DNAH11: variants seen among roughly 807,000 people sequenced by gnomAD.
DNAH11 encodes the protein axonemal beta dynein heavy chain 11.
In DNAH11, 442 loss-of-function variants were observed where a neutral mutation model predicts 526.0. The ratio of observed to expected loss-of-function variants is 0.84; its 90% CI spans 0.78 to 0.91. DNAH11 has a LOEUF of 0.91. Among genes scored for constraint, DNAH11 ranks in the 40% least tolerant of loss-of-function variants. DNAH11 has a pLI of 0.00. For synonymous variants in DNAH11, 2,461 were observed against 1,935.9 expected, an observed-to-expected ratio of 1.27 and a Z score of -7.12; for missense variants, 6,989 against 5,448.7, an observed-to-expected ratio of 1.28 and a Z score of -8.90.
chr7:21,786,690 G>T lies in DNAH11; in HGVS notation c.9664G>T (p.Val3222Leu), dbSNP rs535546772. 2 of 1,613,688 alleles carry T rather than the reference G, an allele frequency of 1.2e-6. No individual in the cohort carries two copies. The highest frequency in any genetic ancestry group is 1.7e-6 in the Non-Finnish European group (2 of 1,179,778). ...CGCAGTTACCAATGTTACTGCAGCC[G>T]TGATGGTCCTTCTGGCTCCTCGGGG... ...PIAVTNVTAA[V>L]MVLLAPRGRV... The change falls in exon 59 of 82, where the codon GTG becomes TTG. Residue 3222 changes from valine (V) to leucine (L), a missense_variant. By Grantham distance (32) the Val-to-Leu change is conservative. Transcript: ENST00000409508.
intron 26 of DNAH11, among the ~76,000 whole-genome samples, chr7:21,637,283 T>C (rs866492809): frequency 5.3e-5 from 8 of 152,170 alleles, no homozygotes; most frequent in Middle Eastern, 3.4e-3. Flanking sequence ...TTCTCTTCTT[T>C]TTCCTCTTCC....
At chr7:21,790,010 C>T (rs1048134306) in intron 61 of DNAH11, among the ~76,000 whole-genome samples, 1 of 147,716 alleles carries the variant, frequency 6.8e-6, no homozygotes, top group Non-Finnish European at 1.5e-5. Flanking sequence ...CTCCTATCAA[C>T]CAATCACCTA....
intron 66 of DNAH11, among the ~76,000 whole-genome samples, chr7:21,848,191 A>G (rs944151689): frequency 6.6e-6 from 1 of 150,878 alleles, no homozygotes; most frequent in Non-Finnish European, 1.5e-5. Context: ...AAAGATTATT[A>G]TGCTTTCAGG....
chr7:21,735,621 A>T lies in DNAH11; in HGVS notation c.7441-19A>T, dbSNP rs10247099. 8 of 1,559,350 alleles carry T rather than the reference A, an allele frequency of 5.1e-6. No individual in the cohort carries two copies. In the South Asian group the frequency reaches 8.2e-5, roughly 16 times the overall value. Reference sequence around the variant, plus strand: ...TCTCTCTCTTTCTGATCTTTGTCTCATTCTGTTTCTCCTCCCAGACAGTTC... The same window carrying T: ...TCTCTCTCTTTCTGATCTTTGTCTCTTTCTGTTTCTCCTCCCAGACAGTTC... On this transcript the variant is annotated intron_variant, in intron 45 of 81. Transcript: ENST00000409508.
intron 20 of DNAH11, among the ~76,000 whole-genome samples, chr7:21,610,823 T>G (rs1785491741): frequency 6.6e-6 from 1 of 151,992 alleles, no homozygotes; most frequent in Non-Finnish European, 1.5e-5. Context: ...GTCATAGGTG[T>G]AAGGAGATGG....
At chr7:21,692,657 A>G (rs1783682599) in intron 35 of DNAH11, among the ~76,000 whole-genome samples, 1 of 152,182 alleles carries the variant, frequency 6.6e-6, no homozygotes, top group African/African-American at 2.4e-5. Flanking sequence ...TTACATGAAC[A>G]TATATTTTTA....
At chr7:21,571,728 A>G in intron 7 of DNAH11, 78 bp from the exon 8 acceptor site, 1 of 1,125,098 alleles carries the variant, frequency 8.9e-7, no homozygotes, top group Non-Finnish European at 1.2e-6. Flanking sequence ...GAACATTTGA[A>G]AATGTTCTTG....
At chr7:21,840,561 C>A (rs1422956070) in intron 65 of DNAH11, among the ~76,000 whole-genome samples, 1 of 152,042 alleles carries the variant, frequency 6.6e-6, no homozygotes, top group African/African-American at 2.4e-5. Context: ...TGAGAAGTTC[C>A]AGTATTCGTG....
intron 30 of DNAH11, among the ~76,000 whole-genome samples, chr7:21,660,773 A>T (rs972979350): frequency 3.3e-5 from 5 of 152,034 alleles, no homozygotes; most frequent in Admixed American, 6.6e-5. Flanking sequence ...GTAATTATTT[A>T]TGTAGCTATG....
chr7:21,846,312 A>C (rs1276886056), intron 66 of DNAH11, among the ~76,000 whole-genome samples: 3 of 152,118 alleles, frequency 2.0e-5, no homozygotes, highest in Non-Finnish European at 4.4e-5. Flanking sequence ...CTTAGGGCAA[A>C]AGCATCTAGC....
chr7:21,702,875 G>C (rs966424992), intron 37 of DNAH11, 73 bp downstream of exon 37: 26 of 1,317,246 alleles, frequency 2.0e-5, no homozygotes, highest in Non-Finnish European at 2.7e-5. Flanking sequence ...TATATGCCTG[G>C]ATGGTGGGGC....
intron 32 of DNAH11, among the ~76,000 whole-genome samples, chr7:21,685,947 G>A (rs1303060653): frequency 2.0e-5 from 3 of 152,180 alleles, no homozygotes; most frequent in African/African-American, 7.2e-5. Flanking sequence ...GGCAGGAAAT[G>A]TAGTCTCTAA....
At chr7:21,696,890 A>G (rs1025435344) in intron 35 of DNAH11, among the ~76,000 whole-genome samples, 1 of 152,198 alleles carries the variant, frequency 6.6e-6, no homozygotes, top group Non-Finnish European at 1.5e-5. Context: ...GTGCTCAGTA[A>G]AAATTAGTTG....
chr7:21,710,443 C>A, intron 40 of DNAH11, 110 bp from the exon 41 acceptor site: 2 of 932,694 alleles, frequency 2.1e-6, no homozygotes, highest in Non-Finnish European at 3.1e-6. Flanking sequence ...ACACTGCCCG[C>A]AAGAAAGAGG....
At chr7:21,691,942 A>C (rs1240695180) in intron 35 of DNAH11, among the ~76,000 whole-genome samples, 1 of 152,208 alleles carries the variant, frequency 6.6e-6, no homozygotes, top group Non-Finnish European at 1.5e-5. Context: ...ACTTAAGTGA[A>C]TGATTAAAAT....
intron 74 of DNAH11, among the ~76,000 whole-genome samples, chr7:21,873,784 C>CTTTTTGTTT (rs1783591168): frequency 1.4e-5 from 1 of 70,714 alleles, no homozygotes; most frequent in African/African-American, 6.1e-5. Context: ...GAGGAGGTTG[C>CTTTTTGTTT]TTTTTTTTTT....
In DNAH11 at chr7:21,600,127, C is replaced by G; in HGVS notation, c.3000+8C>G. The G allele has an allele frequency of 6.5e-7, 1 of 1,536,012 alleles. No homozygotes were observed. Among genetic ancestry groups the G allele is most frequent in the Non-Finnish European group, 8.8e-7 (1 of 1,140,844 alleles). The stretch of plus-strand genomic sequence containing the variant: ...GAAATTAAAAATTATCAGGTATTTT[C>G]TTAGTAAATGGGTATTTAGCTTTTA... On this transcript the variant is annotated splice_region_variant and intron_variant, in intron 15 of 81. Coordinates refer to ENST00000409508, the MANE Select transcript of DNAH11 (RefSeq NM_001277115.2).
Position 21,637,678 on chromosome 7 carries a change from A to T in DNAH11, c.4793A>T (p.Glu1598Val). 6.4e-7 allele frequency: 1 copy of T among 1,571,068 alleles called. No homozygotes were observed. The highest frequency in any genetic ancestry group is 1.2e-5 in the South Asian group (1 of 83,734). ...LEATCRPNLY[E>V]KLKDLQSRLS... Reference sequence around the variant, plus strand: ...GCAACGTGCAGACCTAATCTCTATGAAAAACTTAAAGATTTACAGTCCAGG... The same window carrying T: ...GCAACGTGCAGACCTAATCTCTATGTAAAACTTAAAGATTTACAGTCCAGG... Residue 1598 changes from glutamate to valine, a missense_variant, in exon 27 of 82, where the codon GAA (glutamate) becomes GTA (valine). Coordinates refer to ENST00000409508, the MANE Select transcript of DNAH11 (RefSeq NM_001277115.2).
At chr7:21,837,171 GA>G (rs1385521504) in intron 65 of DNAH11, among the ~76,000 whole-genome samples, 3 of 152,170 alleles carry the variant, frequency 2.0e-5, no homozygotes, top group Non-Finnish European at 4.4e-5. Context: ...AGCCATTATG[GA>G]AAAGAGTGTA....
Sources: gnomAD v4.1 joint callset for allele counts (sites outside exome capture counted in the v4.1 genomes callset) on GRCh38, gnomAD v4.1.1 for gene constraint, MANE v1.5 for transcripts, NCBI Gene and HGNC (gene_info 2026-07-23, HGNC 2026-07-21) for gene names.